PRKRIP1: variants seen among roughly 807,000 people sequenced by gnomAD.
PRKRIP1 encodes the protein PRKR-interacting protein 1.
A neutral mutation model predicts 29.3 loss-of-function variants in PRKRIP1; 29 were observed. The observed-to-expected ratio is 0.99, with a 90% CI of 0.74 to 1.35. The LOEUF is 1.35. Ranked by LOEUF, PRKRIP1 falls within the 40% of genes most tolerant of loss-of-function variation. The probability of loss-of-function intolerance (pLI) is 0.00; values close to 1 mark genes in which losing one functional copy is unlikely to be tolerated. For synonymous variants in PRKRIP1, 90 were observed against 85.1 expected, an observed-to-expected ratio of 1.06 and a Z score of -0.32; for missense variants, 247 against 236.8, an observed-to-expected ratio of 1.04 and a Z score of -0.28.
chr7:102,403,265 T>A (rs191691378), intron 3 of PRKRIP1, among the ~76,000 whole-genome samples: 1 of 152,362 alleles, frequency 6.6e-6, no homozygotes, highest in African/African-American at 2.4e-5. Flanking sequence ...TAAAGTTGAT[T>A]TCCTTCCTGA....
At position 102,399,625 on chromosome 7, in the gene PRKRIP1, T is replaced by C; in HGVS notation, c.283T>C (p.Tyr95His). ...CCGGAGAGAATATCAGCGACAGGAC[T>C]ACATGGATGCCATGGCTGAGAAGGT... ...LRRREYQRQD[Y>H]MDAMAEKQKL... The change falls in exon 3 of 6, where the codon TAC becomes CAC. Residue 95 changes from tyrosine to histidine, a missense_variant. This residue lies in a region of PRKRIP1 where 134 missense variants were observed against 126.6 expected (regional missense o/e 1.06). Coordinates refer to ENST00000397912, the MANE Select transcript of PRKRIP1 (RefSeq NM_024653.4). 1.2e-6 allele frequency: 2 copies of C among 1,613,916 alleles called. No individual in the cohort carries two copies. Among genetic ancestry groups the C allele is most frequent in the Non-Finnish European group, 1.7e-6 (2 of 1,179,830 alleles).
chr7:102,405,327 C>T (rs1365555082), intron 4 of PRKRIP1, among the ~76,000 whole-genome samples: 4 of 152,172 alleles, frequency 2.6e-5, no homozygotes, highest in East Asian at 1.9e-4. Context: ...GGTATATAGG[C>T]TGTATGTTTA....
At chr7:102,420,202 G>T (rs568343836) in intron 5 of PRKRIP1, among the ~76,000 whole-genome samples, 15 of 152,152 alleles carry the variant, frequency 9.9e-5, no homozygotes, top group Admixed American at 2.0e-4. Context: ...GCTAGTTTTT[G>T]TGTGCACATA....
chr7:102,418,616 T>C (rs1796613544), intron 5 of PRKRIP1, among the ~76,000 whole-genome samples: 1 of 152,172 alleles, frequency 6.6e-6, no homozygotes, highest in Non-Finnish European at 1.5e-5. Context: ...TAGCCTTCTC[T>C]CCTTGTTTCT....
At chr7:102,397,837 A>C in intron 2 of PRKRIP1, 139 bp downstream of exon 2, 1 of 643,108 alleles carries the variant, frequency 1.6e-6, no homozygotes, top group Non-Finnish European at 2.7e-6. Context: ...TGAGGTCAGG[A>C]GATCGAGACC....
At chr7:102,399,377 C>T (rs1796004594) in intron 2 of PRKRIP1, among the ~76,000 whole-genome samples, 171 bp from the exon 3 acceptor site, 1 of 152,194 alleles carries the variant, frequency 6.6e-6, no homozygotes, top group Middle Eastern at 3.4e-3. Flanking sequence ...AAATAATTCA[C>T]GACATCTACA....
chr7:102,402,372 A>T (rs1214326744), intron 3 of PRKRIP1, among the ~76,000 whole-genome samples: 1 of 149,168 alleles, frequency 6.7e-6, no homozygotes, highest in Non-Finnish European at 1.5e-5. Context: ...TGGACGGTCA[A>T]GGCTGCAGTG....
intron 4 of PRKRIP1, 113 bp downstream of exon 4, chr7:102,404,796 G>T: frequency 2.9e-6 from 2 of 697,118 alleles, no homozygotes; most frequent in Non-Finnish European, 2.4e-6. Flanking sequence ...GGTCATGAAT[G>T]TAGAGCAATG....
rs569498294 is a variant in PRKRIP1 at position 102,398,154 on chromosome 7, C to T, written c.205+456C>T. 3.3e-5 allele frequency among the ~76,000 whole-genome samples: 5 copies of T among 152,128 alleles called. No homozygotes were observed. In the South Asian group the frequency reaches 6.2e-4, roughly 19 times the overall value. On this transcript the variant is annotated intron_variant, in intron 2 of 5. Transcript: ENST00000397912. ...TGTTCGTGTTTTGCTTTTACAATGA[C>T]GGGGATATAGTTGCTTTTATTTGTT...
intron 2 of PRKRIP1, among the ~76,000 whole-genome samples, chr7:102,398,293 T>C (rs1795580794): frequency 6.6e-6 from 1 of 152,004 alleles, no homozygotes; most frequent in African/African-American, 2.4e-5. Context: ...TTGTTTTTGT[T>C]TTTCTTTTGG....
chr7:102,407,938 C>T (rs1345500195), intron 5 of PRKRIP1, among the ~76,000 whole-genome samples: 1 of 152,172 alleles, frequency 6.6e-6, no homozygotes, highest in Non-Finnish European at 1.5e-5. Context: ...CTCTCTGGCT[C>T]TGATTGAGTC....
At chr7:102,404,335 C>T (rs1032107356) in intron 3 of PRKRIP1, 2 of 351,752 alleles carry the variant, frequency 5.7e-6, no homozygotes, top group Non-Finnish European at 5.3e-6. Flanking sequence ...GCACTCCCTC[C>T]TGTATTGTCT....
At chr7:102,415,541 G>A (rs1796511958) in intron 5 of PRKRIP1, among the ~76,000 whole-genome samples, 1 of 152,168 alleles carries the variant, frequency 6.6e-6, no homozygotes, top group African/African-American at 2.4e-5. Context: ...CAGCCCCAAA[G>A]CTATTTTATA....
At chr7:102,402,854 A>C (rs1359694050) in intron 3 of PRKRIP1, among the ~76,000 whole-genome samples, 1 of 151,412 alleles carries the variant, frequency 6.6e-6, no homozygotes, top group Non-Finnish European at 1.5e-5. Context: ...TGGCTTCTTC[A>C]GCAGCACAGA....
chr7:102,397,997 A>C (rs1795960729), intron 2 of PRKRIP1, among the ~76,000 whole-genome samples: 2 of 151,134 alleles, frequency 1.3e-5, no homozygotes, highest in Non-Finnish European at 3.0e-5. Flanking sequence ...CAGTGAGCCG[A>C]GATGGCGCCA....
At chr7:102,415,607 A>C (rs1056580894) in intron 5 of PRKRIP1, among the ~76,000 whole-genome samples, 1 of 152,258 alleles carries the variant, frequency 6.6e-6, no homozygotes, top group Non-Finnish European at 1.5e-5. Flanking sequence ...ACCCAAGATC[A>C]CGGAATGCTT....
intron 3 of PRKRIP1, among the ~76,000 whole-genome samples, chr7:102,404,099 A>T (rs1213901762): frequency 2.0e-5 from 3 of 152,176 alleles, no homozygotes; most frequent in Admixed American, 6.5e-5. Context: ...CCAGGAGTTC[A>T]AGGTTGTAGT....
chr7:102,397,601 T>TG lies in PRKRIP1; in HGVS notation c.127-19_127-18insG, dbSNP rs782383199. 6.2e-7 allele frequency: 1 copy of TG among 1,604,782 alleles called. No individual in the cohort carries two copies. Among genetic ancestry groups the TG allele is most frequent in the Non-Finnish European group, 8.5e-7 (1 of 1,172,226 alleles). ...TCAACAGGTTTATACTTAAATGCTT[T>TG]CATGTTTAAATGTTGCAGGACAAAG... On this transcript the variant is annotated intron_variant, in intron 1 of 5. Transcript: ENST00000397912.
intron 5 of PRKRIP1, among the ~76,000 whole-genome samples, chr7:102,421,370 C>A (rs1383879938): frequency 6.6e-6 from 1 of 151,874 alleles, no homozygotes; most frequent in African/African-American, 2.4e-5. Context: ...ATGGTTGAGA[C>A]CTCGTCTCTA....
Sources: allele counts gnomAD v4.1 joint callset (sites outside exome capture counted in the v4.1 genomes callset), GRCh38; gene constraint gnomAD v4.1.1; regional missense constraint gnomAD v4.1.1; transcripts MANE v1.5; gene names NCBI Gene and HGNC (gene_info 2026-07-23, HGNC 2026-07-21).